The following ARHGAP12 variants were observed in gnomAD, a reference collection of about 807,000 sequenced individuals.
ARHGAP12 encodes rho GTPase-activating protein 12.
In ARHGAP12, 64 loss-of-function variants were observed where a neutral mutation model predicts 108.6. The observed-to-expected ratio is 0.59, with a 90% CI of 0.48 to 0.73. ARHGAP12 has a LOEUF of 0.73. Ranked by LOEUF, ARHGAP12 falls within the 30% of genes least tolerant of loss-of-function variation. The pLI, the probability that ARHGAP12 is intolerant of heterozygous loss-of-function variation, is 0.00. For synonymous variants in ARHGAP12, 312 were observed against 337.2 expected, an observed-to-expected ratio of 0.93 and a Z score of 0.82; for missense variants, 940 against 1,005.9, an observed-to-expected ratio of 0.93 and a Z score of 0.89.
intron 3 of ARHGAP12, among the ~76,000 whole-genome samples, chr10:31,884,660 T>C (rs1050792277): frequency 1.3e-5 from 2 of 152,210 alleles, no homozygotes; most frequent in Non-Finnish European, 2.9e-5. Flanking sequence ...TCTTACCCAC[T>C]GTACACTGGT....
At chr10:31,871,854 T>C (rs770194773) in intron 3 of ARHGAP12, among the ~76,000 whole-genome samples, 3 of 152,038 alleles carry the variant, frequency 2.0e-5, no homozygotes, top group Non-Finnish European at 4.4e-5. Context: ...AGTGCACAAT[T>C]AGGAAGTTTA....
chr10:31,825,476 T>C (rs1278087958), intron 11 of ARHGAP12, among the ~76,000 whole-genome samples: 3 of 152,100 alleles, frequency 2.0e-5, no homozygotes, highest in African/African-American at 7.2e-5. Flanking sequence ...CTTTTAGAAA[T>C]AGCCAGAGCA....
intron 5 of ARHGAP12, among the ~76,000 whole-genome samples, 163 bp downstream of exon 5, chr10:31,853,903 G>C (rs1002919184): frequency 6.6e-6 from 1 of 152,158 alleles, no homozygotes; most frequent in Non-Finnish European, 1.5e-5. Context: ...AAAACAATCA[G>C]TAGTTACACT....
At chr10:31,824,483 A>G (rs1469712408) in intron 11 of ARHGAP12, among the ~76,000 whole-genome samples, 1 of 152,170 alleles carries the variant, frequency 6.6e-6, no homozygotes, top group Non-Finnish European at 1.5e-5. Context: ...ATGGTAACAA[A>G]GTAATACAAC....
intron 10 of ARHGAP12, among the ~76,000 whole-genome samples, chr10:31,828,694 C>T (rs537809322): frequency 3.1e-4 from 47 of 152,158 alleles, no homozygotes; most frequent in African/African-American, 1.1e-3. Flanking sequence ...GAATTAGTCA[C>T]ATTTTTTTTT....
rs760710531 is a variant in ARHGAP12, at chr10:31,810,725, G to A, written c.1974C>T (p.Leu658=). The part of the protein sequence containing the change: ...YIKDQVFGSN[L]ANLCQRENGT... ...CATTCTCTCTCTGACACAGATTAGC[G>A]AGATTGGATCCAAATACCTGATCTG... is the stretch of plus-strand genomic sequence containing the variant. Residue 658 remains leucine, a synonymous_variant, in exon 16 of 20, where the codon CTC becomes CTT. Coordinates refer to ENST00000344936, the MANE Select transcript of ARHGAP12 (RefSeq NM_018287.7). The A allele has an allele frequency of 6.8e-6, 11 of 1,609,794 alleles. No individual in the cohort carries two copies. The highest frequency in any genetic ancestry group is 2.2e-5 in the East Asian group (1 of 44,702).
chr10:31,864,264 C>T (rs866858382), intron 3 of ARHGAP12, among the ~76,000 whole-genome samples: 2 of 152,120 alleles, frequency 1.3e-5, no homozygotes, highest in African/African-American at 2.4e-5. Flanking sequence ...GTTTCCCATA[C>T]ATAAGCAATG....
chr10:31,877,838 T>G (rs1837788400), intron 3 of ARHGAP12, among the ~76,000 whole-genome samples: 1 of 152,206 alleles, frequency 6.6e-6, no homozygotes, highest in South Asian at 2.1e-4. Context: ...CTGCCTATAA[T>G]TCCAGTACTT....
At chr10:31,921,894 A>ATAAAG (rs1839830876) in intron 1 of ARHGAP12, among the ~76,000 whole-genome samples, 1 of 151,930 alleles carries the variant, frequency 6.6e-6, no homozygotes, top group African/African-American at 2.4e-5. Context: ...TGGTTCTTTA[A>ATAAAG]GAGCAGTAAA....
intron 3 of ARHGAP12, among the ~76,000 whole-genome samples, chr10:31,890,550 G>A (rs981208657): frequency 6.6e-6 from 1 of 152,110 alleles, no homozygotes; most frequent in Non-Finnish European, 1.5e-5. Context: ...CGGTAAGACT[G>A]GGCTGGTGAC....
chr10:31,921,105 G>C (rs1204165880), intron 1 of ARHGAP12, among the ~76,000 whole-genome samples: 2 of 151,916 alleles, frequency 1.3e-5, no homozygotes, highest in East Asian at 3.9e-4. Flanking sequence ...TGAACTCCTG[G>C]TGAGACCCCG....
chr10:31,809,545 G>A (rs1834939897), intron 16 of ARHGAP12: 2 of 403,944 alleles, frequency 5.0e-6, no homozygotes, highest in South Asian at 3.5e-5. Flanking sequence ...CATATAGACT[G>A]TGAATCAGCT....
At position 31,909,320 on chromosome 10, in the gene ARHGAP12, G is replaced by C. The variant is rs1368760664; in HGVS notation, c.-71-394C>G. Among the ~76,000 whole-genome samples the C allele has an allele frequency of 2.0e-5, 3 of 151,870 alleles. No individual in the cohort carries two copies. In the East Asian group the frequency reaches 5.8e-4, roughly 29 times the overall value. ...TCTATAACAATTCCAAAATATTTTA[G>C]TACCTCCTAGAACACGGCATTACGG... is the stretch of plus-strand genomic sequence containing the variant. On this transcript the variant is annotated intron_variant, in intron 2 of 19. Coordinates refer to ENST00000344936, the MANE Select transcript of ARHGAP12 (RefSeq NM_018287.7).
chr10:31,847,034 C>T (rs186447921), intron 6 of ARHGAP12, among the ~76,000 whole-genome samples: 6 of 150,742 alleles, frequency 4.0e-5, no homozygotes, highest in African/African-American at 1.5e-4. Flanking sequence ...CCATCCAGTA[C>T]TTGATTTTTG....
intron 16 of ARHGAP12, among the ~76,000 whole-genome samples, chr10:31,810,233 G>A (rs1425363085): frequency 6.6e-6 from 1 of 152,068 alleles, no homozygotes; most frequent in East Asian, 1.9e-4. Context: ...GACATTTGTG[G>A]TTGACTTAAC....
intron 3 of ARHGAP12, among the ~76,000 whole-genome samples, chr10:31,863,798 A>ATATAATTC (rs1837222974): frequency 6.6e-6 from 1 of 152,140 alleles, no homozygotes; most frequent in Non-Finnish European, 1.5e-5. Context: ...TACAGACACC[A>ATATAATTC]AGAAAGCATT....
chr10:31,883,890 T>C (rs905649168), intron 3 of ARHGAP12, among the ~76,000 whole-genome samples: 10 of 151,816 alleles, frequency 6.6e-5, no homozygotes, highest in Admixed American at 3.9e-4. Flanking sequence ...TTTTTTTGTA[T>C]TTTTTATAGA....
At chr10:31,837,273 T>C (rs957809139) in intron 9 of ARHGAP12, among the ~76,000 whole-genome samples, 3 of 152,220 alleles carry the variant, frequency 2.0e-5, no homozygotes, top group Non-Finnish European at 2.9e-5. Flanking sequence ...GTAGTAACAG[T>C]GCCTTAGATT....
At chr10:31,817,290 T>C (rs1282915284) in intron 13 of ARHGAP12, among the ~76,000 whole-genome samples, 2 of 152,028 alleles carry the variant, frequency 1.3e-5, no homozygotes, top group Non-Finnish European at 2.9e-5. Flanking sequence ...TTATTTTTGG[T>C]TGTTGTATAT....
Sources: allele counts gnomAD v4.1 joint callset (sites outside exome capture counted in the v4.1 genomes callset), GRCh38; gene constraint gnomAD v4.1.1; transcripts MANE v1.5; gene names NCBI Gene and HGNC (gene_info 2026-07-23, HGNC 2026-07-21).